Variants in RNF217 observed in about 807,000 individuals in gnomAD.
RNF217 encodes E3 ubiquitin-protein ligase RNF217.
A neutral mutation model predicts 57.8 loss-of-function variants in RNF217; 31 were observed. The ratio of observed to expected loss-of-function variants is 0.54; its 90% confidence interval spans 0.40 to 0.72. The LOEUF is 0.72. Among genes scored for constraint, RNF217 ranks in the 30% least tolerant of loss-of-function variants. The pLI, the probability that RNF217 is intolerant of heterozygous loss-of-function variation, is 0.00. For missense variants in RNF217, 696 were observed against 708.3 expected (o/e 0.98, Z 0.20); for synonymous variants, 313 against 294.0 (o/e 1.06, Z -0.66).
At position 125,089,575 on chromosome 6, in the gene RNF217, T is replaced by A. The variant is rs1485881237; in HGVS notation, c.*6638T>A. ...GAAAACATTTGTCATTTGCAAGTGT[T>A]TGACTTTTTTATTGATATGATTTAG... On this transcript the variant is annotated 3_prime_UTR_variant, in exon 6 of 6. Coordinates refer to ENST00000521654, the MANE Select transcript of RNF217 (RefSeq NM_001286398.3). The A allele has an allele frequency of 6.6e-6, 1 of 152,190 alleles. No individual in the cohort carries two copies. Among genetic ancestry groups the A allele is most frequent in the African/African-American group, 2.4e-5 (1 of 41,444 alleles). 9.4% of individuals were successfully genotyped at this position (152,190 alleles called of 1,614,324 possible). A position where few individuals can be genotyped will look rare whatever the true frequency, so the allele number is the denominator to read the frequency against.
intron 2 of RNF217, chr6:125,048,307 A>G (rs1301854728): frequency 1.5e-6 from 2 of 1,295,330 alleles, no homozygotes; most frequent in South Asian, 2.5e-5. Flanking sequence ...AGTTTCCCTA[A>G]TAAAATAAGG....
At chr6:125,020,537 A>G (rs1388135234) in intron 1 of RNF217, among the ~76,000 whole-genome samples, 1 of 151,270 alleles carries the variant, frequency 6.6e-6, no homozygotes, top group Non-Finnish European at 1.5e-5. Context: ...ACCATGATTC[A>G]TGGATGTGAG....
intron 1 of RNF217, among the ~76,000 whole-genome samples, chr6:124,999,162 G>A (rs904018331): frequency 2.0e-5 from 3 of 152,160 alleles, no homozygotes; most frequent in African/African-American, 7.2e-5. Context: ...AGGCCTAGTG[G>A]CCCCTAGTCC....
intron 1 of RNF217, among the ~76,000 whole-genome samples, chr6:125,028,691 T>C (rs970304794): frequency 2.6e-5 from 4 of 152,114 alleles, no homozygotes; most frequent in Admixed American, 6.5e-5. Flanking sequence ...GCTTAAATTA[T>C]GCAATTATTC....
intron 1 of RNF217, among the ~76,000 whole-genome samples, chr6:124,980,938 T>C (rs952117095): frequency 1.3e-5 from 2 of 152,252 alleles, no homozygotes; most frequent in Non-Finnish European, 2.9e-5. Context: ...AAAATAGATA[T>C]GTTCCATGTG....
intron 5 of RNF217, chr6:125,082,428 A>G (rs757740116): frequency 6.3e-7 from 1 of 1,579,674 alleles, no homozygotes; most frequent in Admixed American, 1.8e-5. Flanking sequence ...TGTAATAGAT[A>G]TTATTATCTG....
intron 1 of RNF217, among the ~76,000 whole-genome samples, chr6:124,993,937 G>A (rs536871964): frequency 6.6e-5 from 10 of 152,154 alleles, no homozygotes; most frequent in Non-Finnish European, 1.2e-4. Context: ...CTATGACAAG[G>A]AATTGAGGCC....
chr6:125,032,321 T>G (rs1786395790), intron 1 of RNF217, among the ~76,000 whole-genome samples: 1 of 152,182 alleles, frequency 6.6e-6, no homozygotes, highest in African/African-American at 2.4e-5. Context: ...TTAAAATTCC[T>G]AATTCAATTT....
chr6:124,993,849 A>ACTTCTTCAGT (rs1238484278), intron 1 of RNF217, among the ~76,000 whole-genome samples: 3 of 152,160 alleles, frequency 2.0e-5, no homozygotes, highest in African/African-American at 7.2e-5. Context: ...GAAAGAGCAT[A>ACTTCTTCAGT]CTTCTTCAGT....
chr6:124,970,021 G>A (rs148390965), intron 1 of RNF217, among the ~76,000 whole-genome samples: 173 of 152,270 alleles, frequency 1.1e-3, no homozygotes, highest in African/African-American at 3.8e-3. Context: ...TCCAGGAATC[G>A]CAAGGAGATC....
chr6:125,026,207 G>A (rs897916085), intron 1 of RNF217, among the ~76,000 whole-genome samples: 2 of 152,210 alleles, frequency 1.3e-5, no homozygotes, highest in Non-Finnish European at 2.9e-5. Flanking sequence ...TAAGCAGCCA[G>A]TTTTGCAAAA....
At chr6:124,965,933 C>T (rs568699698) in intron 1 of RNF217, among the ~76,000 whole-genome samples, 12 of 152,308 alleles carry the variant, frequency 7.9e-5, no homozygotes, top group African/African-American at 2.6e-4. Flanking sequence ...TTAGCATCTA[C>T]AGCGTTGTCT....
At chr6:125,081,675 T>A (rs1454641224) in intron 5 of RNF217, among the ~76,000 whole-genome samples, 168 bp downstream of exon 5, 7 of 152,138 alleles carry the variant, frequency 4.6e-5, no homozygotes, top group Non-Finnish European at 8.8e-5. Flanking sequence ...AGGAGCGTGT[T>A]TCCTGTAGGA....
At chr6:125,042,286 G>A (rs1371245430) in intron 1 of RNF217, among the ~76,000 whole-genome samples, 1 of 152,012 alleles carries the variant, frequency 6.6e-6, no homozygotes, top group Non-Finnish European at 1.5e-5. Flanking sequence ...AATTCTGTAG[G>A]TCTTGAGTGG....
Position 125,091,001 on chromosome 6 carries a change from GA to G in RNF217, c.*8069del, listed in dbSNP as rs966993455. The G allele has an allele frequency of 6.6e-6, 1 of 151,970 alleles. No homozygotes were observed. The highest frequency in any genetic ancestry group is 2.4e-5 in the African/African-American group (1 of 41,414). 9.4% of individuals were successfully genotyped at this position (151,970 alleles called of 1,614,324 possible). ...AAATCTCTCAAAAGAAATTGCAAAG[GA>G]AAAATTACGTTGAGATGAAATGTTG... On this transcript the variant is annotated 3_prime_UTR_variant, in exon 6 of 6. Transcript: ENST00000521654.
At chr6:125,063,729 CAAAA>C (rs1787835315) in intron 3 of RNF217, among the ~76,000 whole-genome samples, 1 of 151,952 alleles carries the variant, frequency 6.6e-6, no homozygotes, top group African/African-American at 2.4e-5. Flanking sequence ...TCTCAATTCT[CAAAA>C]GAAAGTTGTA....
At chr6:124,978,635 G>T (rs1331130606) in intron 1 of RNF217, among the ~76,000 whole-genome samples, 1 of 152,058 alleles carries the variant, frequency 6.6e-6, no homozygotes, top group Non-Finnish European at 1.5e-5. Context: ...GGAGTGTGCT[G>T]CAGCTCCTTT....
intron 5 of RNF217, chr6:125,082,352 G>A: frequency 1.6e-6 from 2 of 1,265,708 alleles, no homozygotes; most frequent in East Asian, 2.7e-5. Flanking sequence ...AGTAATAAAT[G>A]TGCAGGACAG....
intron 1 of RNF217, among the ~76,000 whole-genome samples, chr6:125,016,929 A>G (rs1018648440): frequency 2.0e-5 from 3 of 152,186 alleles, no homozygotes; most frequent in Non-Finnish European, 4.4e-5. Flanking sequence ...AGCATAATAA[A>G]AAAGAAATAG....
Sources: allele counts gnomAD v4.1 joint callset (sites outside exome capture counted in the v4.1 genomes callset), GRCh38; gene constraint gnomAD v4.1.1; transcripts MANE v1.5; gene names NCBI Gene and HGNC (gene_info 2026-07-23, HGNC 2026-07-21).